CLEC3A: variants seen among roughly 807,000 people sequenced by gnomAD.
The protein encoded by CLEC3A is C-type (calcium dependent, carbohydrate-recognition domain) lectin, superfamily member 1 (cartilage-derived).
In CLEC3A, 28 loss-of-function variants were observed where a neutral mutation model predicts 20.4. The ratio of observed to expected loss-of-function variants is 1.37; its 90% confidence interval spans 1.02 to 1.88. The LOEUF (loss-of-function observed/expected upper bound fraction) is 1.88. CLEC3A is among the 40% of genes most tolerant of loss of function. CLEC3A has a pLI of 0.00. For missense variants in CLEC3A, 357 were observed against 240.4 expected (o/e 1.48, Z -3.21); for synonymous variants, 110 against 88.1 (o/e 1.25, Z -1.39).
intron 1 of CLEC3A, among the ~76,000 whole-genome samples, chr16:78,025,513 A>G (rs370077258): frequency 1.3e-5 from 2 of 152,300 alleles, no homozygotes; most frequent in East Asian, 3.9e-4. Context: ...GTATTTTGAC[A>G]GTCCAACATC....
In CLEC3A at chr16:78,028,457, G is replaced by A. The variant is rs768280895; in HGVS notation, c.199+267G>A. 4.6e-5 allele frequency among the ~76,000 whole-genome samples: 7 copies of A among 152,310 alleles called. No homozygotes were observed. In the South Asian group the frequency reaches 6.2e-4, roughly 14 times the overall value. On this transcript the variant is annotated intron_variant, in intron 2 of 2. Coordinates refer to ENST00000299642, the MANE Select transcript of CLEC3A (RefSeq NM_005752.6). ...CCATACTTATTCTCTAAAGAGTAGT[G>A]AAACAGAATGAAGCCAGTATGAAAT...
chr16:78,030,366 T>A, intron 2 of CLEC3A, 81 bp from the exon 3 acceptor site: 1 of 1,223,258 alleles, frequency 8.2e-7, no homozygotes. Context: ...CCACAAATAC[T>A]TATTGCTATT....
At chr16:78,024,414 C>T (rs1202538317) in intron 1 of CLEC3A, among the ~76,000 whole-genome samples, 1 of 152,114 alleles carries the variant, frequency 6.6e-6, no homozygotes, top group Admixed American at 6.5e-5. Flanking sequence ...CTCCCACTCT[C>T]TTCTCTCTCC....
chr16:78,028,221 C>A, intron 2 of CLEC3A, 31 bp downstream of exon 2: 2 of 1,471,988 alleles, frequency 1.4e-6, no homozygotes, highest in Non-Finnish European at 1.8e-6. Context: ...GTGCCTTGTC[C>A]CAAAGGAGAC....
At position 78,030,663 on chromosome 16, in the gene CLEC3A, G is replaced by C; in HGVS notation, c.416G>C (p.Gly139Ala). 1 of 1,614,128 alleles carries C rather than the reference G, an allele frequency of 6.2e-7. No individual in the cohort carries two copies. The highest frequency in any genetic ancestry group is 2.2e-5 in the East Asian group (1 of 44,864). Residue 139 changes from glycine to alanine, a missense_variant, in exon 3 of 3, where the codon GGC becomes GCC. Coordinates refer to ENST00000299642, the MANE Select transcript of CLEC3A (RefSeq NM_005752.6). Reference sequence around the variant, plus strand: ...GGCATCAATGACATGGTCACGGAAGGCAAGTTTGTTGACGTCAACGGAATC... The same window carrying C: ...GGCATCAATGACATGGTCACGGAAGCCAAGTTTGTTGACGTCAACGGAATC... ...WLGINDMVTE[G>A]KFVDVNGIAI...
chr16:78,024,755 A>T (rs1042672063), intron 1 of CLEC3A, among the ~76,000 whole-genome samples: 1 of 152,122 alleles, frequency 6.6e-6, no homozygotes, highest in Non-Finnish European at 1.5e-5. Context: ...CTCTCTCCCA[A>T]TCCTCACCAC....
chr16:78,024,053 G>A (rs566045542), intron 1 of CLEC3A, among the ~76,000 whole-genome samples: 3 of 152,284 alleles, frequency 2.0e-5, no homozygotes, highest in African/African-American at 4.8e-5. Flanking sequence ...CACCGCGCCC[G>A]GCTAGTGCAA....
chr16:78,030,947 C>T lies in CLEC3A; in HGVS notation c.*106C>T. The T allele has an allele frequency of 7.8e-7, 1 of 1,282,460 alleles. No homozygotes were observed. Among genetic ancestry groups the T allele is most frequent in the Non-Finnish European group, 1.1e-6 (1 of 945,036 alleles). 79.4% of individuals were successfully genotyped at this position (1,282,460 alleles called of 1,614,324 possible). ...ATTTTTACTTATTAAAAAATTGCAA[C>T]ACAAGATCAATGTCCATAGCAATAT... is the stretch of plus-strand genomic sequence containing the variant. On this transcript the variant is annotated 3_prime_UTR_variant, in exon 3 of 3. Coordinates refer to ENST00000299642, the MANE Select transcript of CLEC3A (RefSeq NM_005752.6).
At chr16:78,023,729 T>A (rs2018777791) in intron 1 of CLEC3A, among the ~76,000 whole-genome samples, 1 of 151,754 alleles carries the variant, frequency 6.6e-6, no homozygotes, top group African/African-American at 2.4e-5. Flanking sequence ...GACATTTATT[T>A]ACAAAATTTA....
At chr16:78,026,503 T>A (rs1567543397) in intron 1 of CLEC3A, among the ~76,000 whole-genome samples, 1 of 152,162 alleles carries the variant, frequency 6.6e-6, no homozygotes, top group Non-Finnish European at 1.5e-5. Context: ...TGGGCAAATT[T>A]AAATCCCAAT....
Position 78,024,893 on chromosome 16 carries a change from C to G in CLEC3A, c.115+2152C>G, listed in dbSNP as rs565588087. On this transcript the variant is annotated intron_variant, in intron 1 of 2. Coordinates refer to ENST00000299642, the MANE Select transcript of CLEC3A (RefSeq NM_005752.6). The stretch of plus-strand genomic sequence containing the variant: ...CCAGGCTGGAGTGCAGTGGTGTGAT[C>G]TCGGCTCACTGCAACCTCTACCCAC... Among the ~76,000 whole-genome samples the G allele has an allele frequency of 9.9e-5, 15 of 151,880 alleles. 1 individual carries two copies. The highest frequency in any genetic ancestry group is 8.5e-4 in the Admixed American group (13 of 15,274).
intron 1 of CLEC3A, among the ~76,000 whole-genome samples, chr16:78,026,174 T>G (rs922536632): frequency 1.3e-5 from 2 of 152,170 alleles, no homozygotes; most frequent in Non-Finnish European, 2.9e-5. Flanking sequence ...TGTGTAGCAT[T>G]AAGTAAAACA....
At position 78,030,867 on chromosome 16, in the gene CLEC3A, C is replaced by A. The variant is rs1372348326; in HGVS notation, c.*26C>A. On this transcript the variant is annotated 3_prime_UTR_variant, in exon 3 of 3. Transcript: ENST00000299642. ...GTCTTTCTCCAATGTGTCCTCCAAGCAAGATTCATCATAACTTATAGGTTC... is the reference window on the plus strand; with the variant it reads ...GTCTTTCTCCAATGTGTCCTCCAAGAAAGATTCATCATAACTTATAGGTTC... 3 of 1,573,880 alleles carry A rather than the reference C, an allele frequency of 1.9e-6. No homozygotes were observed. Among genetic ancestry groups the A allele is most frequent in the Admixed American group, 3.7e-5 (2 of 54,032 alleles).
chr16:78,027,628 CCTT>C (rs1251438807), intron 1 of CLEC3A, among the ~76,000 whole-genome samples: 2 of 151,718 alleles, frequency 1.3e-5, no homozygotes, highest in African/African-American at 4.8e-5. Flanking sequence ...TTTTTTCCTT[CCTT>C]CTTTCCTTCA....
At position 78,030,515 on chromosome 16, in the gene CLEC3A, G is replaced by A. The variant is rs779455109; in HGVS notation, c.268G>A (p.Glu90Lys). Residue 90 changes from glutamate to lysine, a missense_variant, in exon 3 of 3, where the codon GAG becomes AAG. Coordinates refer to ENST00000299642, the MANE Select transcript of CLEC3A (RefSeq NM_005752.6). ...TTCAGAAGGTTTGAAGCATTTCCAT[G>A]AGGCCAATGAAGACTGCATTTCCAA... ...LASEGLKHFH[E>K]ANEDCISKGG... 4 of 1,614,006 alleles carry A rather than the reference G, an allele frequency of 2.5e-6. No homozygotes were observed. In the South Asian group the frequency reaches 4.4e-5, roughly 18 times the overall value.
At chr16:78,027,915 C>A (rs1388526260) in intron 1 of CLEC3A, among the ~76,000 whole-genome samples, 192 bp from the exon 2 acceptor site, 1 of 152,236 alleles carries the variant, frequency 6.6e-6, no homozygotes, top group African/African-American at 2.4e-5. Context: ...CTTGGCCTCC[C>A]CAAGTGCTGG....
At chr16:78,028,863 T>G (rs531064736) in intron 2 of CLEC3A, among the ~76,000 whole-genome samples, 1 of 152,348 alleles carries the variant, frequency 6.6e-6, no homozygotes, top group African/African-American at 2.4e-5. Flanking sequence ...CATCAAGTAT[T>G]TATAACTCCC....
At chr16:78,025,634 A>C (rs928748027) in intron 1 of CLEC3A, among the ~76,000 whole-genome samples, 5 of 152,222 alleles carry the variant, frequency 3.3e-5, no homozygotes, top group African/African-American at 1.2e-4. Flanking sequence ...GGGGGACTCA[A>C]AATAGCAACC....
rs569644497 is a variant in CLEC3A at position 78,022,574 on chromosome 16, A to G, written c.-53A>G. On this transcript the variant is annotated 5_prime_UTR_variant, in exon 1 of 3. Transcript: ENST00000299642. ...AGATGTAGCTGTGTAGTCTCCTTCC[A>G]TAGCTGCTCTAAGGGGGCTGGCAAC... 3 of 1,602,584 alleles carry G rather than the reference A, an allele frequency of 1.9e-6. No individual in the cohort carries two copies. Among genetic ancestry groups the G allele is most frequent in the East Asian group, 4.5e-5 (2 of 44,312 alleles).
Sources: allele counts gnomAD v4.1 joint callset (sites outside exome capture counted in the v4.1 genomes callset), GRCh38; gene constraint gnomAD v4.1.1; transcripts MANE v1.5; gene names NCBI Gene and HGNC (gene_info 2026-07-23, HGNC 2026-07-21).